Variants in EEIG2 observed in about 807,000 individuals in gnomAD.
EEIG2 encodes the protein family with sequence similarity 102 member B.
At chr1:108,588,989 C>A in the EEIG2 span, among the ~76,000 whole-genome samples, 1 of 152,002 alleles carries the variant, frequency 6.6e-6, no homozygotes, top group African/African-American at 2.4e-5. Context: ...TACTGTGTGC[C>A]AATCAGTGCT....
chr1:108,589,705 T>G, the EEIG2 span, among the ~76,000 whole-genome samples: 41 of 151,140 alleles, frequency 2.7e-4, no homozygotes, highest in Admixed American at 5.9e-4. Context: ...CTTCCCTTTC[T>G]CCTCTACCCA....
At chr1:108,560,533 G>A in the EEIG2 span, 22 of 1,611,696 alleles carry the variant, frequency 1.4e-5, no homozygotes, top group Admixed American at 3.0e-4. Context: ...TGCGGCTGCT[G>A]GACGGCGGCA....
At chr1:108,577,960 C>A in the EEIG2 span, among the ~76,000 whole-genome samples, 3 of 151,194 alleles carry the variant, frequency 2.0e-5, no homozygotes, top group South Asian at 6.2e-4. Flanking sequence ...TTGTTTGTAT[C>A]CTCTTTTATT....
chr1:108,584,534 G>C, the EEIG2 span, among the ~76,000 whole-genome samples: 3 of 152,182 alleles, frequency 2.0e-5, no homozygotes, highest in East Asian at 5.8e-4. Flanking sequence ...GTGAGTCATC[G>C]CTAGCATAGC....
At chr1:108,573,342 A>G in the EEIG2 span, among the ~76,000 whole-genome samples, 1 of 152,234 alleles carries the variant, frequency 6.6e-6, no homozygotes, top group South Asian at 2.1e-4. Flanking sequence ...TCATTATCTT[A>G]TGTGACCTCT....
chr1:108,560,994 T>C, the EEIG2 span, among the ~76,000 whole-genome samples: 95 of 152,368 alleles, frequency 6.2e-4, no homozygotes, highest in African/African-American at 2.2e-3. Flanking sequence ...ACAAGGGGAC[T>C]TGGCCACCCA....
At chr1:108,629,714 A>G in the EEIG2 span, 4 of 1,335,558 alleles carry the variant, frequency 3.0e-6, no homozygotes, top group South Asian at 2.4e-5. Context: ...TAAAAAAATC[A>G]TGAGTAGAGG....
chr1:108,561,816 C>A, the EEIG2 span, among the ~76,000 whole-genome samples: 2 of 152,184 alleles, frequency 1.3e-5, no homozygotes, highest in East Asian at 3.8e-4. Flanking sequence ...TAAGCCGATT[C>A]GTGAAGGTCC....
chr1:108,635,161 G>T, the EEIG2 span: 6 of 1,614,002 alleles, frequency 3.7e-6, no homozygotes, highest in Non-Finnish European at 5.1e-6. Flanking sequence ...AAGTCAAGTC[G>T]GTGAAAACAT....
chr1:108,573,695 A>C, the EEIG2 span, among the ~76,000 whole-genome samples: 1 of 152,288 alleles, frequency 6.6e-6, no homozygotes, highest in East Asian at 1.9e-4. Context: ...ACACCAAACA[A>C]CCCAGTAAAA....
the EEIG2 span, chr1:108,628,222 T>G: frequency 6.2e-7 from 1 of 1,614,198 alleles, no homozygotes; most frequent in Non-Finnish European, 8.5e-7. Context: ...GTGGACATTC[T>G]AGAACATCAA....
At chr1:108,638,522 G>C in the EEIG2 span, 1 of 152,282 alleles carries the variant, frequency 6.6e-6, no homozygotes, top group South Asian at 2.1e-4. Flanking sequence ...AGTATATATA[G>C]CAACGCTCTG....
chr1:108,568,712 C>G, the EEIG2 span, among the ~76,000 whole-genome samples: 1 of 152,164 alleles, frequency 6.6e-6, no homozygotes, highest in African/African-American at 2.4e-5. Flanking sequence ...GTCCAGTTGT[C>G]AGGGGCCTGG....
chr1:108,602,710 T>C, the EEIG2 span, among the ~76,000 whole-genome samples: 3 of 151,794 alleles, frequency 2.0e-5, no homozygotes. Flanking sequence ...AGAAACCCCA[T>C]CTCCATAAAA....
chr1:108,598,789 CT>C, the EEIG2 span, among the ~76,000 whole-genome samples: 3 of 151,206 alleles, frequency 2.0e-5, no homozygotes, highest in Non-Finnish European at 3.0e-5. Context: ...ATTATGTTTG[CT>C]TTTTTTTTAT....
the EEIG2 span, among the ~76,000 whole-genome samples, chr1:108,584,246 G>A: frequency 1.8e-4 from 28 of 152,090 alleles, no homozygotes; most frequent in Admixed American, 1.5e-3. Context: ...TATACATTGA[G>A]GCAAAGGATT....
the EEIG2 span, among the ~76,000 whole-genome samples, chr1:108,597,664 G>A: frequency 6.6e-6 from 1 of 152,124 alleles, no homozygotes; most frequent in Non-Finnish European, 1.5e-5. Flanking sequence ...TCACTTGTCT[G>A]TCTGTCTCTG....
At chr1:108,639,090 G>A in the EEIG2 span, 1 of 152,138 alleles carries the variant, frequency 6.6e-6, no homozygotes, top group African/African-American at 2.4e-5. Flanking sequence ...ACAGTATGTG[G>A]GTAACCATGC....
the EEIG2 span, chr1:108,628,951 C>G: frequency 1.6e-6 from 1 of 638,644 alleles, no homozygotes; most frequent in South Asian, 3.5e-5. Flanking sequence ...ATCAAGATAA[C>G]TTTATAGCTC....
Sources: gnomAD v4.1 joint callset for allele counts (sites outside exome capture counted in the v4.1 genomes callset) on GRCh38, gnomAD v4.1.1 for gene constraint, MANE v1.5 for transcripts, NCBI Gene and HGNC (gene_info 2026-07-23, HGNC 2026-07-21) for gene names.